Variants in GABBR2 observed in about 807,000 individuals in gnomAD.
The protein encoded by GABBR2 is G-protein coupled receptor 51.
In GABBR2, 23 loss-of-function variants were observed where a neutral mutation model predicts 105.6. That is an observed-to-expected ratio of 0.22 (90% confidence interval 0.16 to 0.31). The LOEUF (loss-of-function observed/expected upper bound fraction) is 0.31. GABBR2 is among the 10% of genes least tolerant of loss of function. The pLI is 1.00. For synonymous variants in GABBR2, 478 were observed against 499.7 expected, an observed-to-expected ratio of 0.96 and a Z score of 0.58; for missense variants, 734 against 1,245.5, an observed-to-expected ratio of 0.59 and a Z score of 6.18.
intron 13 of GABBR2, among the ~76,000 whole-genome samples, chr9:98,334,509 C>T: frequency 6.6e-6 from 1 of 152,206 alleles, no homozygotes; most frequent in East Asian, 1.9e-4. Context: ...TGTCAAGGTG[C>T]TTTGTGAACT....
intron 3 of GABBR2, among the ~76,000 whole-genome samples, chr9:98,509,457 T>C (rs1304683445): frequency 1.3e-5 from 2 of 152,086 alleles, no homozygotes; most frequent in African/African-American, 4.8e-5. Flanking sequence ...AGACTTCAGA[T>C]GATCAAACTA....
At chr9:98,503,668 T>C (rs1236018023) in intron 3 of GABBR2, among the ~76,000 whole-genome samples, 2 of 152,174 alleles carry the variant, frequency 1.3e-5, no homozygotes, top group African/African-American at 4.8e-5. Flanking sequence ...TCCCAAAACG[T>C]AGCAGCTTAA....
intron 1 of GABBR2, among the ~76,000 whole-genome samples, chr9:98,609,658 A>ATGGTGC (rs1829477634): frequency 1.3e-5 from 2 of 152,154 alleles, no homozygotes; most frequent in Admixed American, 1.3e-4. Flanking sequence ...TTCAGGGGAG[A>ATGGTGC]TGGTGCTCAG....
chr9:98,668,410 T>C (rs889522377), intron 1 of GABBR2, among the ~76,000 whole-genome samples: 3 of 152,218 alleles, frequency 2.0e-5, no homozygotes, highest in African/African-American at 7.2e-5. Flanking sequence ...TTTTTCACAC[T>C]GAAATATTAA....
At chr9:98,612,730 A>G (rs1829522805) in intron 1 of GABBR2, among the ~76,000 whole-genome samples, 1 of 152,224 alleles carries the variant, frequency 6.6e-6, no homozygotes, top group South Asian at 2.1e-4. Context: ...CAGGGGGGAA[A>G]AAACCACAAC....
At chr9:98,685,350 T>C (rs1830607168) in intron 1 of GABBR2, among the ~76,000 whole-genome samples, 1 of 152,258 alleles carries the variant, frequency 6.6e-6, no homozygotes, top group African/African-American at 2.4e-5. Context: ...GCTTCCTTGC[T>C]CCTCAGCTTG....
In GABBR2 at chr9:98,405,872, G is replaced by A. The variant is rs367843319; in HGVS notation, c.1297+209C>T. On this transcript the variant is annotated intron_variant, in intron 8 of 18. Coordinates refer to ENST00000259455, the MANE Select transcript of GABBR2 (RefSeq NM_005458.8). ...TGAATCAACAGACGTGGAACCCATG[G>A]AGATGGAGGGCTGATCATGATGCGG... 6.6e-5 allele frequency among the ~76,000 whole-genome samples: 10 copies of A among 152,266 alleles called. No individual in the cohort carries two copies. In the East Asian group the frequency reaches 1.9e-3, roughly 29 times the overall value.
intron 2 of GABBR2, among the ~76,000 whole-genome samples, chr9:98,558,721 T>C (rs370630623): frequency 6.6e-6 from 1 of 152,178 alleles, no homozygotes; most frequent in Admixed American, 6.5e-5. Flanking sequence ...TGATCCAGTG[T>C]CTCATCATGA....
intron 7 of GABBR2, among the ~76,000 whole-genome samples, chr9:98,450,399 A>T (rs1826210821): frequency 6.6e-6 from 1 of 152,136 alleles, no homozygotes; most frequent in African/African-American, 2.4e-5. Flanking sequence ...AATTTTAACG[A>T]AACCTGTCTA....
At chr9:98,490,825 C>T (rs984537142) in intron 4 of GABBR2, among the ~76,000 whole-genome samples, 1 of 152,202 alleles carries the variant, frequency 6.6e-6, no homozygotes, top group Non-Finnish European at 1.5e-5. Flanking sequence ...CGCCTGGAAA[C>T]AGCTAAACTT....
chr9:98,473,003 T>C, intron 6 of GABBR2, 143 bp downstream of exon 6: 1 of 654,512 alleles, frequency 1.5e-6, no homozygotes, highest in Non-Finnish European at 2.7e-6. Context: ...TACCACATTT[T>C]ACAGGTACAA....
Position 98,708,626 on chromosome 9 carries a change from C to A in GABBR2, c.112G>T (p.Gly38Trp), listed in dbSNP as rs1830934822. ...LLPLLLPLAP[G>W]AWGWARGAPR... is the part of the protein sequence containing the mutation. ...GCGCCCCGCGCCCAGCCCCAGGCCC[C>A]GGGCGCCAGAGGCAGCAGCAGCGGC... Residue 38 changes from glycine to tryptophan, a missense_variant, in exon 1 of 19, where the codon GGG becomes TGG. Physicochemically the swap from Gly to Trp is radical, Grantham distance 184 (BLOSUM62 -2). Around this residue, in one of 7 missense-constraint regions of GABBR2, gnomAD observed 70 missense variants for 73.4 expected, o/e 0.95. Coordinates refer to ENST00000259455, the MANE Select transcript of GABBR2 (RefSeq NM_005458.8). The A allele has an allele frequency of 7.8e-7, 1 of 1,279,900 alleles. No homozygotes were observed. Among genetic ancestry groups the A allele is most frequent in the Non-Finnish European group, 9.8e-7 (1 of 1,017,904 alleles). The allele number at this position is 1,279,900 out of a possible 1,614,324, so 79.3% of individuals were successfully genotyped here.
intron 1 of GABBR2, among the ~76,000 whole-genome samples, chr9:98,666,187 C>T (rs1228785447): frequency 6.6e-6 from 1 of 152,178 alleles, no homozygotes; most frequent in South Asian, 2.1e-4. Flanking sequence ...AGGGGGCCAG[C>T]CTGGAGATGA....
At chr9:98,533,581 G>C (rs980549027) in intron 3 of GABBR2, among the ~76,000 whole-genome samples, 1 of 152,204 alleles carries the variant, frequency 6.6e-6, no homozygotes, top group Admixed American at 6.5e-5. Context: ...AGCATGCAGG[G>C]TGAGGGGACA....
At chr9:98,625,902 T>C (rs1380568056) in intron 1 of GABBR2, among the ~76,000 whole-genome samples, 1 of 152,160 alleles carries the variant, frequency 6.6e-6, no homozygotes, top group Non-Finnish European at 1.5e-5. Context: ...GCACACAATA[T>C]GTAGTGATCT....
At chr9:98,641,282 C>T (rs1213769550) in intron 1 of GABBR2, among the ~76,000 whole-genome samples, 1 of 151,722 alleles carries the variant, frequency 6.6e-6, no homozygotes, top group Non-Finnish European at 1.5e-5. Context: ...TACAGGCACA[C>T]ACCACCATGC....
rs533063589 is a variant in GABBR2 at position 98,516,460 on chromosome 9, C to T, written c.631-19946G>A. On this transcript the variant is annotated intron_variant, in intron 3 of 18. Transcript: ENST00000259455. ...AGTCCCAAGAAGAATAGAAACTTGC[C>T]CCAAATCACACAACTTTCTAGGCAC... 3.9e-5 allele frequency among the ~76,000 whole-genome samples: 6 copies of T among 152,294 alleles called. No homozygotes were observed. The South Asian group carries it at 1.0e-3, about 26-fold the overall frequency.
intron 1 of GABBR2, among the ~76,000 whole-genome samples, chr9:98,617,755 C>T (rs927141751): frequency 1.3e-5 from 2 of 152,152 alleles, no homozygotes; most frequent in African/African-American, 2.4e-5. Context: ...AAAAGCTTCA[C>T]GAAACCCAAC....
intron 7 of GABBR2, among the ~76,000 whole-genome samples, chr9:98,414,180 G>A (rs1391576020): frequency 1.3e-5 from 2 of 152,038 alleles, no homozygotes; most frequent in African/African-American, 4.8e-5. Context: ...GAAAAGAGCA[G>A]GGCTCCAAAA....
Sources: allele counts gnomAD v4.1 joint callset (sites outside exome capture counted in the v4.1 genomes callset), GRCh38; gene constraint gnomAD v4.1.1; regional missense constraint gnomAD v4.1.1; transcripts MANE v1.5; gene names NCBI Gene and HGNC (gene_info 2026-07-23, HGNC 2026-07-21).